Variants in SDK1 observed in about 807,000 individuals in gnomAD.
SDK1 encodes the protein protein sidekick-1.
SDK1 carries 157 observed loss-of-function variants against 245.5 expected under a neutral mutation model. The ratio of observed to expected loss-of-function variants is 0.64; its 90% CI spans 0.56 to 0.73. The LOEUF is 0.73. Among genes scored for constraint, SDK1 ranks in the 30% least tolerant of loss-of-function variants. The pLI, the probability that SDK1 is intolerant of heterozygous loss-of-function variation, is 0.00. For missense variants in SDK1, 3,583 were observed against 3,002.3 expected (o/e 1.19, Z -4.52); for synonymous variants, 1,647 against 1,278.5 (o/e 1.29, Z -6.15).
chr7:3,672,759 T>TTTTATA (rs1554307102), intron 4 of SDK1, among the ~76,000 whole-genome samples: 19 of 50,752 alleles, frequency 3.7e-4, no homozygotes, highest in African/African-American at 1.7e-3. Context: ...ATATATAATT[T>TTTTATA]TATATATATA....
chr7:3,930,082 C>A (rs533491934), intron 5 of SDK1, among the ~76,000 whole-genome samples: 2 of 152,268 alleles, frequency 1.3e-5, no homozygotes, highest in African/African-American at 2.4e-5. Flanking sequence ...AATGAGAAGG[C>A]GCTGAGGTGA....
intron 5 of SDK1, among the ~76,000 whole-genome samples, chr7:3,854,901 G>A (rs906724244): frequency 1.2e-4 from 18 of 152,124 alleles, no homozygotes; most frequent in African/African-American, 3.6e-4. Flanking sequence ...AAGATGGGAC[G>A]AACACTAGAG....
intron 5 of SDK1, among the ~76,000 whole-genome samples, chr7:3,904,841 A>T (rs984180859): frequency 1.3e-5 from 2 of 152,004 alleles, no homozygotes; most frequent in African/African-American, 4.8e-5. Flanking sequence ...AAAATACAAA[A>T]GATTAGCCGG....
intron 4 of SDK1, among the ~76,000 whole-genome samples, chr7:3,688,541 A>G (rs896800746): frequency 7.2e-5 from 11 of 152,264 alleles, no homozygotes; most frequent in African/African-American, 2.4e-4. Context: ...TAGTATTATA[A>G]TTAGAAGCAG....
At chr7:3,570,300 C>A (rs927775884) in intron 1 of SDK1, among the ~76,000 whole-genome samples, 1 of 152,110 alleles carries the variant, frequency 6.6e-6, no homozygotes, top group African/African-American at 2.4e-5. Flanking sequence ...GGAGTGTGCA[C>A]CCTAGATCCC....
chr7:3,435,853 A>G (rs1309259301), intron 1 of SDK1, among the ~76,000 whole-genome samples: 1 of 152,146 alleles, frequency 6.6e-6, no homozygotes, highest in Non-Finnish European at 1.5e-5. Flanking sequence ...TCTCAAACTT[A>G]TATTTCCAGC....
intron 1 of SDK1, among the ~76,000 whole-genome samples, chr7:3,448,959 C>A (rs1196364422): frequency 6.6e-6 from 1 of 152,154 alleles, no homozygotes; most frequent in Admixed American, 6.5e-5. Context: ...AATCAGCTTG[C>A]AACCTAACAA....
intron 5 of SDK1, among the ~76,000 whole-genome samples, chr7:3,924,893 C>T (rs1164596703): frequency 2.6e-5 from 4 of 152,266 alleles, no homozygotes; most frequent in Admixed American, 1.3e-4. Flanking sequence ...TTGTCTGGTG[C>T]TTCAAGCCTG....
At chr7:3,898,061 C>T (rs920283353) in intron 5 of SDK1, among the ~76,000 whole-genome samples, 13 of 152,246 alleles carry the variant, frequency 8.5e-5, no homozygotes, top group African/African-American at 2.6e-4. Context: ...TGAGGTGCTA[C>T]GGTATTAGCA....
At chr7:3,473,834 C>T (rs2128599401) in intron 1 of SDK1, among the ~76,000 whole-genome samples, 1 of 152,178 alleles carries the variant, frequency 6.6e-6, no homozygotes, top group African/African-American at 2.4e-5. Context: ...ACCGTATGGT[C>T]TGCCTATATT....
chr7:3,712,408 C>G (rs982287860), intron 4 of SDK1, among the ~76,000 whole-genome samples: 1 of 152,188 alleles, frequency 6.6e-6, no homozygotes, highest in African/African-American at 2.4e-5. Flanking sequence ...AGAGCTTCCA[C>G]TGATTCTGCG....
intron 1 of SDK1, among the ~76,000 whole-genome samples, chr7:3,490,020 T>G (rs1256479749): frequency 6.6e-6 from 1 of 152,206 alleles, no homozygotes; most frequent in Non-Finnish European, 1.5e-5. Context: ...GTTTGCATTT[T>G]TGTTGAGAGA....
intron 4 of SDK1, among the ~76,000 whole-genome samples, chr7:3,808,022 C>G (rs1384543135): frequency 6.6e-6 from 1 of 152,172 alleles, no homozygotes; most frequent in Non-Finnish European, 1.5e-5. Context: ...GGCCCGTTGT[C>G]AAAGCGTCAC....
At chr7:3,862,549 C>G (rs1242457679) in intron 5 of SDK1, among the ~76,000 whole-genome samples, 1 of 152,198 alleles carries the variant, frequency 6.6e-6, no homozygotes, top group East Asian at 1.9e-4. Flanking sequence ...TCAGATAATG[C>G]TTCCTAATTC....
intron 2 of SDK1, among the ~76,000 whole-genome samples, chr7:3,631,154 G>A (rs969995802): frequency 6.6e-5 from 10 of 152,042 alleles, no homozygotes; most frequent in South Asian, 2.1e-4. Flanking sequence ...GGCTGGTCTC[G>A]AACTTCTGGG....
chr7:3,961,222 T>C (rs534402906), intron 8 of SDK1, among the ~76,000 whole-genome samples: 1 of 152,346 alleles, frequency 6.6e-6, no homozygotes, highest in African/African-American at 2.4e-5. Flanking sequence ...CTTATGAAAG[T>C]GACATCATGT....
At chr7:4,128,760 C>G (rs558158330) in intron 26 of SDK1, among the ~76,000 whole-genome samples, 1 of 145,052 alleles carries the variant, frequency 6.9e-6, no homozygotes. Context: ...GTGGGGTCCC[C>G]TGGAGGAGAG....
rs146095536 is a variant in SDK1 at position 4,156,946 on chromosome 7, G to A, written c.4626-1502G>A. On this transcript the variant is annotated intron_variant, in intron 30 of 44. Coordinates refer to ENST00000404826, the MANE Select transcript of SDK1 (RefSeq NM_152744.4). ...TAGACATGGGTAACAGAGGTTAAGAGTCCTGAGGCACCCCGAGTTTTCTGG... is the reference window on the plus strand; with the variant it reads ...TAGACATGGGTAACAGAGGTTAAGAATCCTGAGGCACCCCGAGTTTTCTGG... Among the ~76,000 whole-genome samples the A allele has an allele frequency of 8.5e-5, 13 of 152,300 alleles. No individual in the cohort carries two copies. In the East Asian group the frequency reaches 2.5e-3, roughly 29 times the overall value.
rs142734789 is a variant in SDK1, at chr7:4,254,679, T to G, written c.6381+8874T>G. ...TGCATTATACTTTCCTGGGTTTTTT[T>G]GAAAACAGATCATTTTTGGTCATAT... is the stretch of plus-strand genomic sequence containing the variant. On this transcript the variant is annotated intron_variant, in intron 44 of 44. Coordinates refer to ENST00000404826, the MANE Select transcript of SDK1 (RefSeq NM_152744.4). Among the ~76,000 whole-genome samples, 92 of 152,242 alleles carry G rather than the reference T, an allele frequency of 6.0e-4. 2 individuals are homozygous for G. In the East Asian group the frequency reaches 0.016, roughly 26 times the overall value.
Sources: gnomAD v4.1 joint callset for allele counts (sites outside exome capture counted in the v4.1 genomes callset) on GRCh38, gnomAD v4.1.1 for gene constraint, MANE v1.5 for transcripts, NCBI Gene and HGNC (gene_info 2026-07-23, HGNC 2026-07-21) for gene names.